Variants in FBXL7 observed in about 807,000 individuals in gnomAD.
FBXL7 encodes the protein F-box and leucine rich repeat protein 7.
In FBXL7, 12 loss-of-function variants were observed where a neutral mutation model predicts 38.3. The ratio of observed to expected loss-of-function variants is 0.31; its 90% CI spans 0.20 to 0.51. The LOEUF (loss-of-function observed/expected upper bound fraction) is 0.51. FBXL7 is among the 20% of genes least tolerant of loss of function. The pLI is 0.98. For missense variants in FBXL7, 567 were observed against 676.4 expected (o/e 0.84, Z 1.79); for synonymous variants, 297 against 300.9 (o/e 0.99, Z 0.13).
At chr5:15,600,482 G>A (rs1356665825) in intron 1 of FBXL7, among the ~76,000 whole-genome samples, 2 of 152,052 alleles carry the variant, frequency 1.3e-5, no homozygotes, top group Non-Finnish European at 2.9e-5. Flanking sequence ...CATTTGGTAG[G>A]GGGCCTTAGA....
chr5:15,716,910 A>G (rs754947138), intron 2 of FBXL7, among the ~76,000 whole-genome samples: 5 of 152,186 alleles, frequency 3.3e-5, no homozygotes, highest in South Asian at 2.1e-4. Flanking sequence ...CACTCCCTCA[A>G]TATTTTAGAG....
rs193082577 is a variant in FBXL7 at position 15,773,896 on chromosome 5, A to G, written c.128-153994A>G. ...TTAAGCAAATGAATAGAAGAAAGGAAAGATCTGGAGAGCATAAATGTTCAC... is the reference window on the plus strand; with the variant it reads ...TTAAGCAAATGAATAGAAGAAAGGAGAGATCTGGAGAGCATAAATGTTCAC... On this transcript the variant is annotated intron_variant, in intron 2 of 3. Coordinates refer to ENST00000504595, the MANE Select transcript of FBXL7 (RefSeq NM_012304.5). 2.6e-5 allele frequency among the ~76,000 whole-genome samples: 4 copies of G among 152,292 alleles called. No homozygotes were observed. The East Asian group carries it at 7.7e-4, about 29-fold the overall frequency.
At chr5:15,648,444 T>A (rs1741606089) in intron 2 of FBXL7, among the ~76,000 whole-genome samples, 2 of 152,304 alleles carry the variant, frequency 1.3e-5, no homozygotes, top group South Asian at 4.1e-4. Flanking sequence ...ACCATGAAGG[T>A]TTTATTTTTT....
chr5:15,752,943 G>A (rs1228691714), intron 2 of FBXL7, among the ~76,000 whole-genome samples: 1 of 152,166 alleles, frequency 6.6e-6, no homozygotes, highest in Non-Finnish European at 1.5e-5. Flanking sequence ...TTTGTCCTTA[G>A]TTTAATCAAT....
At chr5:15,706,831 G>A (rs1166957563) in intron 2 of FBXL7, among the ~76,000 whole-genome samples, 1 of 152,124 alleles carries the variant, frequency 6.6e-6, no homozygotes, top group Non-Finnish European at 1.5e-5. Flanking sequence ...CAAATCTGGG[G>A]TGGAGAAGCA....
intron 1 of FBXL7, among the ~76,000 whole-genome samples, chr5:15,608,252 G>C (rs1453434248): frequency 2.0e-5 from 3 of 152,106 alleles, no homozygotes; most frequent in Non-Finnish European, 2.9e-5. Flanking sequence ...TACCTGCCAG[G>C]GTTCATTTTT....
intron 2 of FBXL7, among the ~76,000 whole-genome samples, chr5:15,878,296 A>G (rs529189739): frequency 9.2e-5 from 14 of 152,308 alleles, no homozygotes; most frequent in African/African-American, 3.4e-4. Context: ...ATTTCTGTCA[A>G]TAAACTCCTG....
chr5:15,873,253 AGC>A (rs1332524196), intron 2 of FBXL7, among the ~76,000 whole-genome samples: 2 of 152,234 alleles, frequency 1.3e-5, no homozygotes, highest in African/African-American at 4.8e-5. Context: ...TGTGGGACAC[AGC>A]TAAAGCAGTG....
chr5:15,500,377 C>T lies in FBXL7; in HGVS notation c.-300C>T. On this transcript the variant is annotated 5_prime_UTR_variant, in exon 1 of 4. Transcript: ENST00000504595. ...ACCCGGCGGCGGCGGCGCGGTGAGCCTCTGGGCGGCCCCGGGGCGCGGGCT... is the reference window on the plus strand; with the variant it reads ...ACCCGGCGGCGGCGGCGCGGTGAGCTTCTGGGCGGCCCCGGGGCGCGGGCT... 5.7e-6 allele frequency: 1 copy of T among 174,566 alleles called. No homozygotes were observed. The highest frequency in any genetic ancestry group is 1.2e-5 in the Non-Finnish European group (1 of 84,594). 10.8% of individuals were successfully genotyped at this position (174,566 alleles called of 1,614,324 possible). A position where few individuals can be genotyped will look rare whatever the true frequency, so the allele number is the denominator to read the frequency against.
chr5:15,530,290 T>A (rs1208506961), intron 1 of FBXL7, among the ~76,000 whole-genome samples: 1 of 152,214 alleles, frequency 6.6e-6, no homozygotes, highest in Admixed American at 6.5e-5. Flanking sequence ...TCAACCATCC[T>A]GGTTACCCTT....
intron 2 of FBXL7, among the ~76,000 whole-genome samples, chr5:15,673,145 G>A (rs975309572): frequency 5.9e-5 from 9 of 151,888 alleles, no homozygotes; most frequent in South Asian, 2.1e-4. Flanking sequence ...GCAAAACCCC[G>A]TCTCCACTAA....
chr5:15,771,880 G>T (rs1319034247), intron 2 of FBXL7, among the ~76,000 whole-genome samples: 2 of 148,574 alleles, frequency 1.3e-5, no homozygotes, highest in African/African-American at 5.0e-5. Context: ...CAATTCTCCT[G>T]CTTCAGCCTC....
At chr5:15,613,914 C>T (rs1290697764) in intron 1 of FBXL7, among the ~76,000 whole-genome samples, 2 of 152,124 alleles carry the variant, frequency 1.3e-5, no homozygotes, top group South Asian at 2.1e-4. Context: ...GGTGAGGATG[C>T]ACTTCCTACT....
intron 1 of FBXL7, among the ~76,000 whole-genome samples, chr5:15,540,477 G>A: frequency 6.6e-6 from 1 of 152,018 alleles, no homozygotes; most frequent in East Asian, 1.9e-4. Context: ...CTACCAATGA[G>A]GCCAGCAAGT....
At chr5:15,861,590 T>C (rs979891725) in intron 2 of FBXL7, among the ~76,000 whole-genome samples, 1 of 152,208 alleles carries the variant, frequency 6.6e-6, no homozygotes, top group African/African-American at 2.4e-5. Flanking sequence ...TACCCATACT[T>C]CCCAACCTCT....
At chr5:15,932,017 G>A (rs1475743127) in intron 3 of FBXL7, among the ~76,000 whole-genome samples, 1 of 152,102 alleles carries the variant, frequency 6.6e-6, no homozygotes, top group African/African-American at 2.4e-5. Context: ...CTTTATAAGG[G>A]CAGAAATATG....
chr5:15,584,754 G>A lies in FBXL7; in HGVS notation c.38-31229G>A, dbSNP rs1739253295. ...CTCCTGGTACCAGTTTACTGTATTA[G>A]TCCATTTTCACACTGCTATAAAGAA... On this transcript the variant is annotated intron_variant, in intron 1 of 3. Transcript: ENST00000504595. Among the ~76,000 whole-genome samples the A allele has an allele frequency of 2.0e-5, 3 of 152,110 alleles. No homozygotes were observed. In the South Asian group the frequency reaches 6.2e-4, roughly 32 times the overall value.
intron 2 of FBXL7, among the ~76,000 whole-genome samples, chr5:15,832,245 T>G (rs974154867): frequency 6.6e-6 from 1 of 152,180 alleles, no homozygotes; most frequent in African/African-American, 2.4e-5. Flanking sequence ...GCTGCCTCAG[T>G]AGCAGAGAAA....
At chr5:15,931,886 T>C (rs974805976) in intron 3 of FBXL7, among the ~76,000 whole-genome samples, 13 of 152,182 alleles carry the variant, frequency 8.5e-5, no homozygotes, top group African/African-American at 3.1e-4. Flanking sequence ...ATCCCCTGAA[T>C]GTAGCCTTCC....
Sources: gnomAD v4.1 joint callset for allele counts (sites outside exome capture counted in the v4.1 genomes callset) on GRCh38, gnomAD v4.1.1 for gene constraint, MANE v1.5 for transcripts, NCBI Gene and HGNC (gene_info 2026-07-23, HGNC 2026-07-21) for gene names.